Variants in NPC1 observed in about 807,000 individuals in gnomAD.
NPC1 encodes the protein NPC intracellular cholesterol transporter 1, also known as Niemann-Pick C1 protein.
Under a neutral mutation model 140.4 loss-of-function variants are expected in NPC1, and 85 were observed. The ratio of observed to expected loss-of-function variants is 0.61; its 90% confidence interval spans 0.51 to 0.72. The LOEUF (loss-of-function observed/expected upper bound fraction) is 0.72. Ranked by LOEUF, NPC1 falls within the 30% of genes least tolerant of loss-of-function variation. The pLI is 0.00. For synonymous variants in NPC1, 656 were observed against 624.8 expected (o/e 1.05, Z -0.74); for missense variants, 1,504 against 1,623.8 (o/e 0.93, Z 1.27).
In NPC1 at chr18:23,531,948, C is replaced by G; in HGVS notation, c.*254G>C. The G allele has an allele frequency of 6.9e-7, 1 of 1,444,720 alleles. No individual in the cohort carries two copies. The highest frequency in any genetic ancestry group is 1.4e-5 in the African/African-American group (1 of 69,690). 89.5% of individuals were successfully genotyped at this position (1,444,720 alleles called of 1,614,324 possible). A position where few individuals can be genotyped will look rare whatever the true frequency, so the allele number is the denominator to read the frequency against. On this transcript the variant is annotated 3_prime_UTR_variant, in exon 25 of 25. Transcript: ENST00000269228. ...CCATCTAGTGTCACCTCCTGCTTGCCAAAGAATGAGGTTTCTTTCCTGAAG... is the reference window on the plus strand; with the variant it reads ...CCATCTAGTGTCACCTCCTGCTTGCGAAAGAATGAGGTTTCTTTCCTGAAG...
chr18:23,570,801 T>G (rs2145536997), intron 3 of NPC1, among the ~76,000 whole-genome samples: 1 of 152,300 alleles, frequency 6.6e-6, no homozygotes, highest in Non-Finnish European at 1.5e-5. Flanking sequence ...CTCAGGGTCA[T>G]AGCCAACAGA....
intron 3 of NPC1, chr18:23,516,024 C>A (rs2057992924): frequency 5.6e-6 from 9 of 1,613,784 alleles, no homozygotes; most frequent in Non-Finnish European, 6.8e-6. Context: ...CTGAAAAAAA[C>A]ACCTTTCCCC....
intron 20 of NPC1, among the ~76,000 whole-genome samples, chr18:23,537,988 A>C (rs901884771): frequency 6.6e-6 from 1 of 152,200 alleles, no homozygotes; most frequent in Non-Finnish European, 1.5e-5. Context: ...TCAAGGCCAG[A>C]GACTTCCGGT....
At chr18:23,533,270 A>G (rs1207469793) in intron 24 of NPC1, 85 bp downstream of exon 24, 2 of 1,343,362 alleles carry the variant, frequency 1.5e-6, no homozygotes, top group African/African-American at 2.9e-5. Flanking sequence ...ATGAGTTCAA[A>G]TACTTGAAAA....
chr18:23,514,328 G>A lies in NPC1; in HGVS notation c.432-7686C>T, dbSNP rs148815780. 3.4e-3 allele frequency among the ~76,000 whole-genome samples: 513 copies of A among 152,268 alleles called. 4 individuals are homozygous for A. The highest frequency in any genetic ancestry group is 0.012 in the African/African-American group (491 of 41,556). On this transcript the variant is annotated intron_variant, in intron 3 of 3. Coordinates refer to the NPC1 transcript ENST00000591107. ...TCAGGAGTTCGAGACCAGCCTGGCC[G>A]CCATGGCGAAACCCCGTCTCTATTA...
intron 6 of NPC1, 51 bp from the exon 7 acceptor site, chr18:23,557,241 G>A: frequency 7.1e-7 from 1 of 1,405,602 alleles, no homozygotes; most frequent in Non-Finnish European, 1.0e-6. Context: ...TCACAGTGAG[G>A]TTGTTTTTGG....
intron 14 of NPC1, among the ~76,000 whole-genome samples, chr18:23,542,093 TA>T (rs2058720660): frequency 6.6e-6 from 1 of 152,152 alleles, no homozygotes. Context: ...GCCACACACA[TA>T]ACTGTCTTTT....
chr18:23,555,229 C>G (rs1012915106), intron 8 of NPC1, among the ~76,000 whole-genome samples: 1 of 152,238 alleles, frequency 6.6e-6, no homozygotes, highest in Non-Finnish European at 1.5e-5. Context: ...ACACCATGAC[C>G]AGAACAGCTA....
At chr18:23,566,025 T>C (rs893871185) in intron 4 of NPC1, among the ~76,000 whole-genome samples, 3 of 152,194 alleles carry the variant, frequency 2.0e-5, no homozygotes, top group Non-Finnish European at 4.4e-5. Flanking sequence ...ACAAAACACA[T>C]GGAGAATAAT....
At chr18:23,541,010 G>A (rs2058705263) in intron 16 of NPC1, 58 bp downstream of exon 16, 2 of 1,582,262 alleles carry the variant, frequency 1.3e-6, no homozygotes, top group South Asian at 2.2e-5. Context: ...CTTCTTAGAA[G>A]GCATGTGATA....
At position 23,556,255 on chromosome 18, in the gene NPC1, C is replaced by T; in HGVS notation, c.1314G>A (p.Gln438=). 1 of 1,614,116 alleles carries T rather than the reference C, an allele frequency of 6.2e-7. No homozygotes were observed. Among genetic ancestry groups the T allele is most frequent in the Non-Finnish European group, 8.5e-7 (1 of 1,180,012 alleles). Residue 438 remains glutamine (Q), a synonymous_variant, in exon 8 of 25, where the codon CAG becomes CAA. Coordinates refer to ENST00000269228, the MANE Select transcript of NPC1 (RefSeq NM_000271.5). ...AACAGCAGGTTACCTGGTGCAGTAT[C>T]TGTATGTCAAGCGGAGGTCCAAAGG... ...DVPFGPPLDI[Q]ILHQVLDLQI... is the part of the protein sequence containing the mutation.
At chr18:23,510,328 A>C (rs1387077502) in intron 3 of NPC1, among the ~76,000 whole-genome samples, 30 of 151,958 alleles carry the variant, frequency 2.0e-4, no homozygotes, top group Non-Finnish European at 2.9e-5. Flanking sequence ...ATCTCAAAAA[A>C]AAAAACAAAA....
At chr18:23,577,254 C>T (rs1340464518) in intron 1 of NPC1, among the ~76,000 whole-genome samples, 3 of 147,702 alleles carry the variant, frequency 2.0e-5, no homozygotes, top group East Asian at 2.0e-4. Context: ...TACAGAGTGC[C>T]GATTGGTGTA....
chr18:23,556,231 A>G lies in NPC1; in HGVS notation c.1326+12T>C. 1 of 1,613,260 alleles carries G rather than the reference A, an allele frequency of 6.2e-7. No individual in the cohort carries two copies. Among genetic ancestry groups the G allele is most frequent in the Non-Finnish European group, 8.5e-7 (1 of 1,179,318 alleles). On this transcript the variant is annotated intron_variant, in intron 8 of 24. Transcript: ENST00000269228. ...CATCTAGAGTGACTTATTTCTTCAA[A>G]CAGCAGGTTACCTGGTGCAGTATCT...
chr18:23,573,322 G>A, intron 2 of NPC1, 130 bp downstream of exon 2: 2 of 1,291,288 alleles, frequency 1.5e-6, no homozygotes, highest in Middle Eastern at 2.0e-4. Flanking sequence ...TAGAGTTTGA[G>A]AGTCCGGGAT....
In NPC1 at chr18:23,531,848, T is replaced by C. The variant is rs1280637439; in HGVS notation, c.*354A>G. 2.7e-6 allele frequency: 4 copies of C among 1,459,096 alleles called. No individual in the cohort carries two copies. Among genetic ancestry groups the C allele is most frequent in the East Asian group, 4.9e-5 (2 of 40,512 alleles). 90.4% of individuals were successfully genotyped at this position (1,459,096 alleles called of 1,614,324 possible). ...TATGGTATAGAACTTGTGGGATGGC[T>C]TACTCCTAAAAGGAGAGACAGACAG... On this transcript the variant is annotated 3_prime_UTR_variant, in exon 25 of 25. Transcript: ENST00000269228.
chr18:23,560,179 C>A, intron 6 of NPC1, 52 bp downstream of exon 6: 1 of 1,611,844 alleles, frequency 6.2e-7, no homozygotes, highest in Non-Finnish European at 8.5e-7. Flanking sequence ...GCTCAAAGTG[C>A]CAGTGGGCAA....
intron 20 of NPC1, 51 bp downstream of exon 20, chr18:23,538,491 T>G (rs373559428): frequency 6.2e-7 from 1 of 1,611,830 alleles, no homozygotes; most frequent in East Asian, 2.2e-5. Flanking sequence ...AGTTTTCTAC[T>G]GCAAATTAAA....
In NPC1 at chr18:23,510,033, A is replaced by G. The variant is rs1598848477; in HGVS notation, c.432-3391T>C. Among the ~76,000 whole-genome samples the G allele has an allele frequency of 3.4e-5, 5 of 148,746 alleles. No individual in the cohort carries two copies. The South Asian group carries it at 1.0e-3, about 31-fold the overall frequency. ...AAGTAATAAATTAAAAAAAAAAAAA[A>G]GAAAAGAAAAAGGGCTTGGTGGCCC... On this transcript the variant is annotated intron_variant, in intron 3 of 3. Transcript: ENST00000591107.
Sources: gnomAD v4.1 joint callset for allele counts (sites outside exome capture counted in the v4.1 genomes callset) on GRCh38, gnomAD v4.1.1 for gene constraint, MANE v1.5 for transcripts, NCBI Gene and HGNC (gene_info 2026-07-23, HGNC 2026-07-21) for gene names.